CATSPERD: variants seen among roughly 807,000 people sequenced by gnomAD.
CATSPERD encodes cation channel sperm-associated auxiliary subunit delta.
Under a neutral mutation model 98.1 loss-of-function variants are expected in CATSPERD, and 86 were observed. The ratio of observed to expected loss-of-function variants is 0.88; its 90% CI spans 0.74 to 1.05. The LOEUF (loss-of-function observed/expected upper bound fraction) is 1.05. Ranked by LOEUF, CATSPERD falls within the 50% of genes least tolerant of loss-of-function variation. CATSPERD has a pLI of 0.00. For synonymous variants in CATSPERD, 394 were observed against 390.2 expected, an observed-to-expected ratio of 1.01 and a Z score of -0.12; for missense variants, 995 against 1,005.7, an observed-to-expected ratio of 0.99 and a Z score of 0.14.
rs1000848708 is a variant in CATSPERD at position 5,735,888 on chromosome 19, C to T, written c.392-1250C>T. Among the ~76,000 whole-genome samples the T allele has an allele frequency of 4.6e-5, 7 of 150,616 alleles. No individual in the cohort carries two copies. In the South Asian group the frequency reaches 1.5e-3, roughly 32 times the overall value. On this transcript the variant is annotated intron_variant, in intron 5 of 21. Coordinates refer to ENST00000381624, the MANE Select transcript of CATSPERD (RefSeq NM_152784.4). ...CTCCGCCTCCTGGGTTCATGCCATT[C>T]TTCTGCCTCAGCCTCTTGAGTAGCT...
chr19:5,774,562 G>A (rs1484779385), intron 20 of CATSPERD, among the ~76,000 whole-genome samples: 2 of 151,542 alleles, frequency 1.3e-5, no homozygotes, highest in African/African-American at 4.8e-5. Flanking sequence ...AGTGGTGCAC[G>A]CCTGTAATCC....
intron 19 of CATSPERD, 95 bp from the exon 20 acceptor site, chr19:5,772,693 C>T (rs1475774012): frequency 7.7e-7 from 1 of 1,302,412 alleles, no homozygotes; most frequent in Non-Finnish European, 1.1e-6. Flanking sequence ...CTCCCACCCC[C>T]CAAGCGGTTT....
chr19:5,726,385 T>G (rs2055604575), intron 2 of CATSPERD, among the ~76,000 whole-genome samples: 2 of 151,878 alleles, frequency 1.3e-5, no homozygotes, highest in Admixed American at 6.6e-5. Context: ...AATTTTTAAA[T>G]TATCATTTCT....
At chr19:5,739,200 C>T (rs774416048) in intron 6 of CATSPERD, 126 bp from the exon 7 acceptor site, 5 of 631,890 alleles carry the variant, frequency 7.9e-6, no homozygotes, top group East Asian at 2.8e-5. Context: ...ACAGCCCCAT[C>T]GAACAGTCAC....
At position 5,720,658 on chromosome 19, in the gene CATSPERD, T is replaced by G. The variant is rs1187194917; in HGVS notation, c.-80T>G. ...ACTCATTGATGCGCATGCGCAGGGC[T>G]TCAGCCTGCACGTACTCGGATTGTG... is the stretch of plus-strand genomic sequence containing the variant. On this transcript the variant is annotated 5_prime_UTR_variant, in exon 1 of 22. Transcript: ENST00000381624. 7.2e-7 allele frequency: 1 copy of G among 1,392,300 alleles called. No individual in the cohort carries two copies. The highest frequency in any genetic ancestry group is 9.9e-7 in the Non-Finnish European group (1 of 1,006,118). 86.2% of individuals were successfully genotyped at this position (1,392,300 alleles called of 1,614,324 possible).
chr19:5,751,552 AAAAAAAAAAAAAAAAAT>A, intron 11 of CATSPERD, 78 bp from the exon 12 acceptor site: 2 of 617,848 alleles, frequency 3.2e-6, no homozygotes, highest in Non-Finnish European at 2.3e-6. Flanking sequence ...AAAAAAAAAA[AAAAAAAAAAAAAAAAAT>A]CTGCATCATG....
intron 15 of CATSPERD, among the ~76,000 whole-genome samples, chr19:5,759,348 G>A (rs901777710): frequency 1.3e-5 from 2 of 151,906 alleles, no homozygotes; most frequent in Non-Finnish European, 2.9e-5. Flanking sequence ...GATCACCTGA[G>A]GTCAGGAGTT....
chr19:5,759,938 A>G (rs922779672), intron 15 of CATSPERD, among the ~76,000 whole-genome samples: 1 of 150,880 alleles, frequency 6.6e-6, no homozygotes, highest in Non-Finnish European at 1.5e-5. Flanking sequence ...TTAGCCGGGC[A>G]TGGTGGTATG....
chr19:5,746,129 C>T, intron 9 of CATSPERD, 66 bp downstream of exon 9: 1 of 1,574,942 alleles, frequency 6.3e-7, no homozygotes. Flanking sequence ...CGAGTACAGC[C>T]TGGATAAGGG....
intron 6 of CATSPERD, among the ~76,000 whole-genome samples, chr19:5,738,352 C>CAAAAAA (rs767298084): frequency 6.5e-4 from 68 of 104,850 alleles, no homozygotes; most frequent in East Asian, 1.4e-3. Flanking sequence ...ACTCAAAATA[C>CAAAAAA]AAAAAAAAAA....
At chr19:5,740,792 C>T (rs913189810) in intron 7 of CATSPERD, among the ~76,000 whole-genome samples, 3 of 147,878 alleles carry the variant, frequency 2.0e-5, no homozygotes, top group African/African-American at 7.5e-5. Flanking sequence ...AAAAAGCTAG[C>T]GCCCAGCCGT....
chr19:5,754,086 T>C (rs1309761017), intron 12 of CATSPERD, 46 bp from the exon 13 acceptor site: 1 of 1,351,108 alleles, frequency 7.4e-7, no homozygotes, highest in African/African-American at 1.4e-5. Flanking sequence ...CCTTTCTTTA[T>C]GGGAACAGGA....
intron 7 of CATSPERD, among the ~76,000 whole-genome samples, chr19:5,740,236 A>T: frequency 6.8e-6 from 1 of 148,134 alleles, no homozygotes; most frequent in East Asian, 2.1e-4. Flanking sequence ...AGCCAAGATC[A>T]CACCATTGCA....
intron 7 of CATSPERD, among the ~76,000 whole-genome samples, chr19:5,744,214 A>AG (rs1220764797): frequency 6.6e-6 from 1 of 152,140 alleles, no homozygotes; most frequent in African/African-American, 2.4e-5. Context: ...TGCTGACCTC[A>AG]GGTGATCCAC....
chr19:5,759,737 G>GC (rs1285054687), intron 15 of CATSPERD, among the ~76,000 whole-genome samples: 1 of 151,802 alleles, frequency 6.6e-6, no homozygotes, highest in Non-Finnish European at 1.5e-5. Flanking sequence ...GATGAACACA[G>GC]CGTGGTCCAT....
chr19:5,720,864 G>C (rs2055446496), intron 1 of CATSPERD, 56 bp downstream of exon 1: 4 of 1,461,130 alleles, frequency 2.7e-6, no homozygotes, highest in Admixed American at 2.0e-5. Flanking sequence ...GGAGGGTGCT[G>C]GTTCATCTTG....
chr19:5,753,275 GA>G (rs2056255436), intron 12 of CATSPERD, among the ~76,000 whole-genome samples: 2 of 151,822 alleles, frequency 1.3e-5, no homozygotes, highest in South Asian at 2.1e-4. Flanking sequence ...GAAACAGAAA[GA>G]GGGGGCGGGC....
chr19:5,744,162 T>A (rs770438799), intron 7 of CATSPERD, among the ~76,000 whole-genome samples: 3 of 152,050 alleles, frequency 2.0e-5, no homozygotes, highest in Non-Finnish European at 2.9e-5. Flanking sequence ...GTATTTTTAG[T>A]AGAGATGGGG....
intron 20 of CATSPERD, among the ~76,000 whole-genome samples, 192 bp downstream of exon 20, chr19:5,773,157 GC>G (rs996999961): frequency 5.1e-4 from 77 of 152,122 alleles, no homozygotes; most frequent in Admixed American, 2.6e-4. Flanking sequence ...TTTGAGACCA[GC>G]CTGGCTAACA....
Sources: allele counts gnomAD v4.1 joint callset (sites outside exome capture counted in the v4.1 genomes callset), GRCh38; gene constraint gnomAD v4.1.1; transcripts MANE v1.5; gene names NCBI Gene and HGNC (gene_info 2026-07-23, HGNC 2026-07-21).